Variants in TKT observed in about 807,000 individuals in gnomAD.
TKT encodes transketolase, also known as epididymis luminal protein 107.
A neutral mutation model predicts 63.9 loss-of-function variants in TKT; 47 were observed. That is an observed-to-expected ratio of 0.74 (90% confidence interval 0.58 to 0.94). The LOEUF (loss-of-function observed/expected upper bound fraction) is 0.94. TKT is among the 40% of genes least tolerant of loss of function. The probability of loss-of-function intolerance (pLI) is 0.00; values close to 1 mark genes in which losing one functional copy is unlikely to be tolerated. For synonymous variants in TKT, 338 were observed against 334.1 expected (o/e 1.01, Z -0.13); for missense variants, 721 against 846.2 (o/e 0.85, Z 1.84).
At chr3:53,252,682 A>G (rs1553681807) in intron 1 of TKT, among the ~76,000 whole-genome samples, 1 of 152,094 alleles carries the variant, frequency 6.6e-6, no homozygotes, top group Non-Finnish European at 1.5e-5. Context: ...TAGGAGACAC[A>G]CTTGACATTC....
At chr3:53,231,976 G>A (rs1704785552) in intron 6 of TKT, 1 of 260,018 alleles carries the variant, frequency 3.8e-6, no homozygotes, top group Admixed American at 4.9e-5. Flanking sequence ...CTGGCCATCA[G>A]AAGGGGAACC....
intron 1 of TKT, among the ~76,000 whole-genome samples, chr3:53,247,063 CTT>C (rs67337269): frequency 2.1e-5 from 3 of 146,040 alleles, no homozygotes; most frequent in African/African-American, 7.4e-5. Context: ...TATGCATATA[CTT>C]TTTTTTTTTT....
intron 1 of TKT, among the ~76,000 whole-genome samples, chr3:53,246,290 C>CA (rs1369977888): frequency 1.1e-4 from 17 of 151,770 alleles, no homozygotes; most frequent in South Asian, 4.2e-4. Context: ...ACAACAACAA[C>CA]AAAAAAAAGG....
chr3:53,253,147 ATTAT>A (rs1260763384), intron 1 of TKT, among the ~76,000 whole-genome samples: 1 of 151,906 alleles, frequency 6.6e-6, no homozygotes, highest in African/African-American at 2.4e-5. Context: ...TGGCCGAAAC[ATTAT>A]TTATTTTTGG....
chr3:53,236,697 C>A (rs151081994), intron 4 of TKT, among the ~76,000 whole-genome samples: 1 of 152,364 alleles, frequency 6.6e-6, no homozygotes, highest in East Asian at 1.9e-4. Flanking sequence ...CCCACACCCA[C>A]TTCCAGGGAA....
intron 4 of TKT, among the ~76,000 whole-genome samples, chr3:53,238,202 T>C (rs1559652639): frequency 6.6e-6 from 1 of 152,204 alleles, no homozygotes; most frequent in Admixed American, 6.5e-5. Context: ...ACTTGTTCCA[T>C]TATGTTAGGG....
At chr3:53,244,222 A>T (rs1466224195) in intron 1 of TKT, among the ~76,000 whole-genome samples, 4 of 152,164 alleles carry the variant, frequency 2.6e-5, no homozygotes, top group Admixed American at 2.6e-4. Flanking sequence ...TACCAAGTAA[A>T]CACGCACAAA....
intron 1 of TKT, among the ~76,000 whole-genome samples, chr3:53,245,622 T>TA (rs1191040752): frequency 6.6e-6 from 1 of 151,708 alleles, no homozygotes; most frequent in Non-Finnish European, 1.5e-5. Flanking sequence ...CCGTCTCTAC[T>TA]AAAAATACAA....
intron 5 of TKT, 104 bp from the exon 6 acceptor site, chr3:53,233,378 C>T: frequency 1.2e-6 from 1 of 813,546 alleles, no homozygotes; most frequent in Non-Finnish European, 1.8e-6. Context: ...TGCCCAGGCT[C>T]CACCCCACAA....
At chr3:53,237,493 TATACACAC>T (rs1393654654) in intron 4 of TKT, among the ~76,000 whole-genome samples, 4 of 93,742 alleles carry the variant, frequency 4.3e-5, no homozygotes, top group African/African-American at 1.8e-4. Flanking sequence ...GATTTTATAT[TATACACAC>T]ACACACACAC....
intron 4 of TKT, among the ~76,000 whole-genome samples, chr3:53,238,312 C>T (rs1397573734): frequency 6.6e-6 from 1 of 152,264 alleles, no homozygotes; most frequent in East Asian, 1.9e-4. Context: ...CTTAAACATG[C>T]ATCTCATTCT....
chr3:53,231,548 C>T lies in TKT; in HGVS notation c.751G>A (p.Val251Ile). The change falls in exon 7 of 14, where the codon GTA becomes ATA. Residue 251 changes from valine to isoleucine, a missense_variant and splice_region_variant. By Grantham distance (29) the Val-to-Ile change is conservative. Transcript: ENST00000462138. ...KTFKGRGITG[V>I]EDKESWHGKP... ...CCATGCCAAGACTCCTTATCTTCTA[C>T]CCCTGCAGACCCAACACGGGAGGAC... The T allele has an allele frequency of 6.2e-7, 1 of 1,613,098 alleles. No individual in the cohort carries two copies. Among genetic ancestry groups the T allele is most frequent in the African/African-American group, 1.3e-5 (1 of 75,022 alleles).
intron 12 of TKT, 152 bp downstream of exon 12, chr3:53,227,904 G>A (rs782720737): frequency 4.6e-5 from 31 of 672,358 alleles, no homozygotes; most frequent in South Asian, 1.5e-4. Context: ...TCAAAGGATG[G>A]CTATAATTGC....
intron 1 of TKT, among the ~76,000 whole-genome samples, chr3:53,250,774 G>A (rs1192378815): frequency 6.6e-6 from 1 of 151,970 alleles, no homozygotes; most frequent in Non-Finnish European, 1.5e-5. Context: ...AGATAGGAAG[G>A]TTTTTTTGTT....
Position 53,231,507 on chromosome 3 carries a change from T to C in TKT, c.792A>G (p.Lys264=). The C allele has an allele frequency of 4.3e-6, 7 of 1,614,152 alleles. No homozygotes were observed. Among genetic ancestry groups the C allele is most frequent in the Non-Finnish European group, 5.1e-6 (6 of 1,180,012 alleles). Residue 264 remains lysine, a synonymous_variant, in exon 7 of 14, where the codon AAA becomes AAG. Coordinates refer to ENST00000462138, the MANE Select transcript of TKT (RefSeq NM_001064.4). ...CCTGGATGATCTGCTCAGCCATGTT[T>C]TTGGGGAGGGGCTTCCCATGCCAAG... The part of the protein sequence containing the change: ...KESWHGKPLP[K]NMAEQIIQEI...
At chr3:53,251,904 C>T (rs1705763451) in intron 1 of TKT, among the ~76,000 whole-genome samples, 1 of 152,204 alleles carries the variant, frequency 6.6e-6, no homozygotes, top group African/African-American at 2.4e-5. Flanking sequence ...CTTTGGGAGG[C>T]CGAGGCGGGC....
Position 53,240,358 on chromosome 3 carries a change from C to T in TKT, c.340-10G>A, listed in dbSNP as rs781885784. 4.4e-6 allele frequency: 7 copies of T among 1,609,188 alleles called. No individual in the cohort carries two copies. The highest frequency in any genetic ancestry group is 5.9e-6 in the Non-Finnish European group (7 of 1,176,702). ...CGGTGAAAGCTTGTTTCTGTCATAA[C>T]AGAAGGCCACCGTTAATCTGAGAGG... On this transcript the variant is annotated splice_polypyrimidine_tract_variant and intron_variant, in intron 3 of 13. Transcript: ENST00000462138.
Position 53,255,984 on chromosome 3 carries a change from A to C in TKT, c.-42T>G. ...ACCGGGCGCACACGCGGACACACAG[A>C]GATAGCGGCTGCTCCCGCGGCGACA... On this transcript the variant is annotated 5_prime_UTR_variant, in exon 1 of 14. Transcript: ENST00000462138. The C allele has an allele frequency of 1.5e-6, 2 of 1,367,996 alleles. No homozygotes were observed. The highest frequency in any genetic ancestry group is 1.9e-6 in the Non-Finnish European group (2 of 1,025,974). 84.7% of individuals were successfully genotyped at this position (1,367,996 alleles called of 1,614,324 possible).
rs373423312 is a variant in TKT, at chr3:53,228,267, G to T, written c.1479+9C>A. On this transcript the variant is annotated intron_variant, in intron 11 of 13. Coordinates refer to ENST00000462138, the MANE Select transcript of TKT (RefSeq NM_001064.4). ...CTCTGTGGGCTCCTGGGGCATGCGA[G>T]GCACTGACCTTGGCTTGTCCGACCT... 1.2e-6 allele frequency: 2 copies of T among 1,614,060 alleles called. No individual in the cohort carries two copies. Among genetic ancestry groups the T allele is most frequent in the African/African-American group, 2.7e-5 (2 of 74,920 alleles).
Sources: allele counts gnomAD v4.1 joint callset (sites outside exome capture counted in the v4.1 genomes callset), GRCh38; gene constraint gnomAD v4.1.1; transcripts MANE v1.5; gene names NCBI Gene and HGNC (gene_info 2026-07-23, HGNC 2026-07-21).